The following ARHGEF3 variants were observed in gnomAD, a reference collection of about 807,000 sequenced individuals.
The protein encoded by ARHGEF3 is 59.8 kDA protein.
ARHGEF3 carries 28 observed loss-of-function variants against 63.2 expected under a neutral mutation model. The ratio of observed to expected loss-of-function variants is 0.44; its 90% CI spans 0.33 to 0.61. The LOEUF (loss-of-function observed/expected upper bound fraction) is 0.61. ARHGEF3 is among the 20% of genes least tolerant of loss of function. ARHGEF3 has a pLI of 0.03. For missense variants in ARHGEF3, 533 were observed against 659.3 expected, an observed-to-expected ratio of 0.81 and a Z score of 2.10; for synonymous variants, 266 against 254.2, an observed-to-expected ratio of 1.05 and a Z score of -0.44.
intron 2 of ARHGEF3, among the ~76,000 whole-genome samples, chr3:56,766,879 C>T (rs1245929619): frequency 1.3e-5 from 2 of 152,150 alleles, no homozygotes; most frequent in Non-Finnish European, 2.9e-5. Context: ...GAAAGAAATA[C>T]AGACATACAC....
At chr3:57,025,213 G>A (rs1321862686) in intron 2 of ARHGEF3, among the ~76,000 whole-genome samples, 1 of 152,228 alleles carries the variant, frequency 6.6e-6, no homozygotes, top group Admixed American at 6.5e-5. Flanking sequence ...GCCGAGATGA[G>A]TAGGGAAAGG....
chr3:56,784,135 A>T (rs772269519), intron 1 of ARHGEF3, among the ~76,000 whole-genome samples: 1 of 152,192 alleles, frequency 6.6e-6, no homozygotes, highest in Non-Finnish European at 1.5e-5. Context: ...CTGGCTCCAC[A>T]TCTGCCTTCT....
At chr3:57,046,854 G>C (rs1214982510) in intron 1 of ARHGEF3, among the ~76,000 whole-genome samples, 2 of 152,176 alleles carry the variant, frequency 1.3e-5, no homozygotes, top group Non-Finnish European at 2.9e-5. Context: ...CTCATTAAGT[G>C]GAACAGTGAG....
chr3:56,998,785 G>T (rs1447977847), intron 2 of ARHGEF3, among the ~76,000 whole-genome samples: 1 of 152,124 alleles, frequency 6.6e-6, no homozygotes, highest in Non-Finnish European at 1.5e-5. Flanking sequence ...GGATCCAAAG[G>T]AAGGTATGTC....
intron 1 of ARHGEF3, among the ~76,000 whole-genome samples, chr3:56,799,864 T>A (rs1007497366): frequency 1.3e-5 from 2 of 152,154 alleles, no homozygotes; most frequent in Non-Finnish European, 2.9e-5. Flanking sequence ...AATCAAACAC[T>A]AAAAAACAAA....
chr3:56,952,920 T>C (rs1475363744), intron 3 of ARHGEF3, among the ~76,000 whole-genome samples: 1 of 152,216 alleles, frequency 6.6e-6, no homozygotes, highest in East Asian at 1.9e-4. Context: ...ATCAGCCTTG[T>C]TTTAAAGAGG....
intron 9 of ARHGEF3, 150 bp from the exon 10 acceptor site, chr3:56,729,772 C>A: frequency 1.5e-6 from 1 of 665,064 alleles, no homozygotes; most frequent in South Asian, 2.0e-5. Context: ...CATGGCTCAG[C>A]TCCACCCTGC....
intron 1 of ARHGEF3, among the ~76,000 whole-genome samples, chr3:57,063,398 G>C (rs1195797226): frequency 1.3e-5 from 2 of 152,154 alleles, no homozygotes; most frequent in Non-Finnish European, 2.9e-5. Context: ...TCTGAGTTGA[G>C]AACAAGCTGA....
chr3:56,890,154 C>T (rs2041071204), intron 3 of ARHGEF3, among the ~76,000 whole-genome samples: 1 of 152,166 alleles, frequency 6.6e-6, no homozygotes, highest in Non-Finnish European at 1.5e-5. Context: ...TACCTACATA[C>T]CTCAAAGAAA....
chr3:56,838,450 TG>T (rs1369339745), intron 4 of ARHGEF3, among the ~76,000 whole-genome samples: 1 of 152,172 alleles, frequency 6.6e-6, no homozygotes, highest in African/African-American at 2.4e-5. Context: ...GATCCAAAAC[TG>T]GGAAATAAGA....
At chr3:56,775,725 G>C in intron 1 of ARHGEF3, 1 of 982,978 alleles carries the variant, frequency 1.0e-6, no homozygotes, top group Non-Finnish European at 1.2e-6. Context: ...TGTGCTCAGA[G>C]GAGGGTTTAA....
chr3:56,926,298 G>A (rs904662299), intron 3 of ARHGEF3, among the ~76,000 whole-genome samples: 3 of 152,206 alleles, frequency 2.0e-5, no homozygotes, highest in Non-Finnish European at 4.4e-5. Flanking sequence ...GACAGGATGC[G>A]AAGGCCAGGG....
chr3:56,735,388 T>C (rs2033538129), intron 8 of ARHGEF3, among the ~76,000 whole-genome samples: 1 of 152,202 alleles, frequency 6.6e-6, no homozygotes, highest in African/African-American at 2.4e-5. Flanking sequence ...ACTGTGCTTT[T>C]TTTCTGACCC....
intron 2 of ARHGEF3, among the ~76,000 whole-genome samples, chr3:56,976,040 T>A (rs916151314): frequency 1.1e-4 from 17 of 152,126 alleles, no homozygotes; most frequent in Admixed American, 3.3e-4. Context: ...GCTTAGAAGG[T>A]GTTTTTTGTT....
rs199854395 is a variant in ARHGEF3, at chr3:56,757,185, G to GT, written c.205-2035dup. Among the ~76,000 whole-genome samples, 1,128 of 152,304 alleles carry GT rather than the reference G, an allele frequency of 7.4e-3. 17 individuals are homozygous for GT. The highest frequency in any genetic ancestry group is 0.026 in the African/African-American group (1,083 of 41,560). ...ACATAAGGGCATTGTTAAATAAGTT[G>GT]TAAGTGGCTGGGCACAGTGGCTCAC... On this transcript the variant is annotated intron_variant, in intron 2 of 9. Transcript: ENST00000296315.
At chr3:56,923,207 A>G (rs2042196028) in intron 3 of ARHGEF3, among the ~76,000 whole-genome samples, 1 of 151,398 alleles carries the variant, frequency 6.6e-6, no homozygotes. Flanking sequence ...TGGGCAACAG[A>G]GCAAGACTCC....
chr3:56,792,097 C>T (rs1378869994), intron 1 of ARHGEF3, among the ~76,000 whole-genome samples: 2 of 84,394 alleles, frequency 2.4e-5, no homozygotes, highest in African/African-American at 8.1e-5. Flanking sequence ...GAGTGAGACT[C>T]TGTCTCAAAA....
chr3:56,931,970 T>C (rs1411475412), intron 3 of ARHGEF3, among the ~76,000 whole-genome samples: 1 of 152,186 alleles, frequency 6.6e-6, no homozygotes, highest in Non-Finnish European at 1.5e-5. Flanking sequence ...GTTGTTGTTG[T>C]TGCTGTTAGA....
intron 4 of ARHGEF3, among the ~76,000 whole-genome samples, chr3:56,854,237 G>T (rs755037811): frequency 6.6e-6 from 1 of 151,986 alleles, no homozygotes; most frequent in Non-Finnish European, 1.5e-5. Flanking sequence ...AAAGGGTGAG[G>T]ACAAAGGAAA....
Sources: allele counts gnomAD v4.1 joint callset (sites outside exome capture counted in the v4.1 genomes callset), GRCh38; gene constraint gnomAD v4.1.1; transcripts MANE v1.5; gene names NCBI Gene and HGNC (gene_info 2026-07-23, HGNC 2026-07-21).